Variants in LZTFL1 observed in about 807,000 individuals in gnomAD.
LZTFL1 encodes the protein leucine zipper transcription factor like 1, also known as leucine zipper transcription factor-like protein 1.
Under a neutral mutation model 45.9 loss-of-function variants are expected in LZTFL1, and 25 were observed. The observed-to-expected ratio is 0.54, with a 90% CI of 0.40 to 0.76. The LOEUF (loss-of-function observed/expected upper bound fraction) is 0.76. Among genes scored for constraint, LZTFL1 ranks in the 30% least tolerant of loss-of-function variants. The probability of loss-of-function intolerance (pLI) is 0.00; values close to 1 mark genes in which losing one functional copy is unlikely to be tolerated. For synonymous variants in LZTFL1, 93 were observed against 117.4 expected (o/e 0.79, Z 1.35); for missense variants, 277 against 331.1 (o/e 0.84, Z 1.27).
intron 2 of LZTFL1, among the ~76,000 whole-genome samples, chr3:45,887,630 C>T (rs893515882): frequency 1.3e-5 from 2 of 152,256 alleles, no homozygotes; most frequent in African/African-American, 4.8e-5. Flanking sequence ...TCCTTACTCC[C>T]TTTCCTGAAC....
chr3:45,872,225 T>C (rs1460290517), intron 2 of LZTFL1, among the ~76,000 whole-genome samples: 2 of 151,714 alleles, frequency 1.3e-5, no homozygotes, highest in Non-Finnish European at 2.9e-5. Flanking sequence ...CTCTCTGGAG[T>C]GTGTTCTGAT....
At chr3:45,880,107 C>T (rs1396616896) in intron 2 of LZTFL1, among the ~76,000 whole-genome samples, 1 of 152,162 alleles carries the variant, frequency 6.6e-6, no homozygotes, top group Non-Finnish European at 1.5e-5. Context: ...GCCAGCCCAG[C>T]CAAGGCAAGG....
chr3:45,839,746 TATA>T (rs1701056437), intron 1 of LZTFL1, among the ~76,000 whole-genome samples: 2 of 152,178 alleles, frequency 1.3e-5, no homozygotes, highest in Admixed American at 1.3e-4. Context: ...AAGCCACCAA[TATA>T]ATGTCACTGA....
At chr3:45,837,135 C>G (rs1015171200) in intron 2 of LZTFL1, among the ~76,000 whole-genome samples, 3 of 152,190 alleles carry the variant, frequency 2.0e-5, no homozygotes, top group Admixed American at 1.3e-4. Context: ...AATGTTTCAT[C>G]TAGCCAGCAG....
chr3:45,870,506 G>T (rs1306175820), intron 2 of LZTFL1, among the ~76,000 whole-genome samples: 1 of 152,220 alleles, frequency 6.6e-6, no homozygotes, highest in African/African-American at 2.4e-5. Flanking sequence ...TGAACACAGA[G>T]AAACTATCTT....
At chr3:45,888,615 A>C (rs912012531) in intron 2 of LZTFL1, among the ~76,000 whole-genome samples, 1 of 152,240 alleles carries the variant, frequency 6.6e-6, no homozygotes, top group Non-Finnish European at 1.5e-5. Flanking sequence ...CACAGTGCTG[A>C]GTCAACTGCC....
At chr3:45,840,298 G>A (rs1701074449) in intron 1 of LZTFL1, among the ~76,000 whole-genome samples, 1 of 152,238 alleles carries the variant, frequency 6.6e-6, no homozygotes, top group African/African-American at 2.4e-5. Flanking sequence ...ATCAGCCTAG[G>A]AAACGGCTAT....
intron 2 of LZTFL1, among the ~76,000 whole-genome samples, chr3:45,863,215 A>C (rs1701521587): frequency 6.6e-6 from 1 of 152,226 alleles, no homozygotes; most frequent in Non-Finnish European, 1.5e-5. Context: ...ACTATATTTC[A>C]AGGTAAACAA....
chr3:45,902,052 A>G, intron 2 of LZTFL1: 1 of 692,130 alleles, frequency 1.4e-6, no homozygotes, highest in Non-Finnish European at 2.4e-6. Flanking sequence ...GAATTTGCCA[A>G]AGCAAATATT....
intron 4 of LZTFL1, among the ~76,000 whole-genome samples, chr3:45,847,747 G>T (rs1701239586): frequency 1.3e-5 from 2 of 152,212 alleles, no homozygotes; most frequent in Non-Finnish European, 2.9e-5. Flanking sequence ...GACAAGAGCA[G>T]ACCTGATCAT....
chr3:45,855,123 C>T (rs1317033001), intron 3 of LZTFL1: 1 of 1,134,130 alleles, frequency 8.8e-7, no homozygotes, highest in Non-Finnish European at 1.3e-6. Flanking sequence ...ATCTTAAAAA[C>T]ATCAAAGGGA....
intron 2 of LZTFL1, chr3:45,903,090 G>T (rs747736642): frequency 1.2e-5 from 2 of 167,056 alleles, no homozygotes; most frequent in Non-Finnish European, 2.9e-5. Context: ...TTTTTAATGT[G>T]TATATGAAGC....
intron 2 of LZTFL1, among the ~76,000 whole-genome samples, chr3:45,884,527 G>T (rs1341867996): frequency 6.6e-6 from 1 of 152,118 alleles, no homozygotes; most frequent in African/African-American, 2.4e-5. Context: ...GGGGACCCGT[G>T]CAGAGGAGGG....
chr3:45,910,958 C>G (rs1702783861), intron 2 of LZTFL1, among the ~76,000 whole-genome samples: 1 of 152,224 alleles, frequency 6.6e-6, no homozygotes, highest in Non-Finnish European at 1.5e-5. Context: ...GAAAGCTTAA[C>G]TACTGGCTTA....
At chr3:45,865,174 C>T (rs2125711714) in intron 2 of LZTFL1, among the ~76,000 whole-genome samples, 1 of 152,308 alleles carries the variant, frequency 6.6e-6, no homozygotes. Context: ...CACAGGCAGC[C>T]TTTCCTGAGG....
intron 4 of LZTFL1, among the ~76,000 whole-genome samples, chr3:45,833,746 T>C (rs1391861634): frequency 2.6e-5 from 4 of 152,226 alleles, no homozygotes; most frequent in African/African-American, 9.6e-5. Context: ...CAATGGAGTA[T>C]TTACGGTGTG....
At position 45,901,588 on chromosome 3, in the gene LZTFL1, A is replaced by C; in HGVS notation, c.-215+11532T>G. On this transcript the variant is annotated intron_variant, in intron 2 of 4. Transcript: ENST00000472635. The surrounding 1 kb of genome is among the most constrained non-coding windows in gnomAD (Gnocchi z 4.3). ...GTCCTGACCGTCTTTGTCTTGTCTCAGTTTCCCTACAACTGCATTTTGTTG... is the reference window on the plus strand; with the variant it reads ...GTCCTGACCGTCTTTGTCTTGTCTCCGTTTCCCTACAACTGCATTTTGTTG... 1 of 1,614,164 alleles carries C rather than the reference A, an allele frequency of 6.2e-7. No homozygotes were observed. Among genetic ancestry groups the C allele is most frequent in the Non-Finnish European group, 8.5e-7 (1 of 1,180,026 alleles).
intron 9 of LZTFL1, 119 bp downstream of exon 9, chr3:45,827,237 T>C: frequency 1.3e-6 from 1 of 765,568 alleles, no homozygotes; most frequent in Non-Finnish European, 2.3e-6. Context: ...TGAAGGCTTC[T>C]GGACTAAATG....
chr3:45,900,960 GT>G lies in LZTFL1; in HGVS notation c.-215+12159del. ...TTTCCTCCCACCCTTGTACTGGCTC[GT>G]GTTCATCGTGGGTGCCTTGGGCAAC... On this transcript the variant is annotated intron_variant, in intron 2 of 4. Transcript: ENST00000472635. This position sits in a 1 kb window ranked among gnomAD's most constrained non-coding sequence, Gnocchi z 4.7. The G allele has an allele frequency of 6.2e-7, 1 of 1,610,850 alleles. No homozygotes were observed.
Sources: allele counts gnomAD v4.1 joint callset (sites outside exome capture counted in the v4.1 genomes callset), GRCh38; gene constraint gnomAD v4.1.1; non-coding constraint Gnocchi (gnomAD v3.1); transcripts MANE v1.5; gene names NCBI Gene and HGNC (gene_info 2026-07-23, HGNC 2026-07-21).